Variants in GAS2L2 observed in about 807,000 individuals in gnomAD.
GAS2L2 encodes the protein growth arrest specific 2 like 2, also known as GAS2-like protein 2.
In GAS2L2, 21 loss-of-function variants were observed where a neutral mutation model predicts 35.2. That is an observed-to-expected ratio of 0.60 (90% CI 0.42 to 0.86). GAS2L2 has a LOEUF of 0.86. Ranked by LOEUF, GAS2L2 falls within the 40% of genes least tolerant of loss-of-function variation. The pLI, the probability that GAS2L2 is intolerant of heterozygous loss-of-function variation, is 0.00. For synonymous variants in GAS2L2, 490 were observed against 473.2 expected, an observed-to-expected ratio of 1.04 and a Z score of -0.46; for missense variants, 1,169 against 1,144.4, an observed-to-expected ratio of 1.02 and a Z score of -0.31.
chr17:35,745,031 G>A lies in GAS2L2; in HGVS notation c.2466C>T (p.Ser822=), dbSNP rs782552016. The change falls in exon 6 of 6, where the codon AGC becomes AGT. Residue 822 remains serine (S), a synonymous_variant. Transcript: ENST00000604641. ...CCACCCGGGATGCCTCCCCTCCCTT[G>A]CTGCCCAGCACAGCTCTCAACAGCC... ...KDRLLRAVLG[S]KGGEASRVDG... 1.2e-6 allele frequency: 2 copies of A among 1,613,942 alleles called. No individual in the cohort carries two copies. The highest frequency in any genetic ancestry group is 1.7e-6 in the Non-Finnish European group (2 of 1,180,018).
At position 35,747,977 on chromosome 17, in the gene GAS2L2, G is replaced by A. The variant is rs368983855; in HGVS notation, c.736-32C>T. Reference sequence around the variant, plus strand: ...GGGCAAGGGTGAGGTTAAGGGCGGGGTGGAGGGCAGCCCCTCTTCCTGGAC... The same window carrying A: ...GGGCAAGGGTGAGGTTAAGGGCGGGATGGAGGGCAGCCCCTCTTCCTGGAC... On this transcript the variant is annotated intron_variant, in intron 3 of 5. Coordinates refer to ENST00000604641, the MANE Select transcript of GAS2L2 (RefSeq NM_139285.4). The A allele has an allele frequency of 9.7e-6, 15 of 1,544,906 alleles. No homozygotes were observed. The Admixed American group carries it at 1.8e-4, about 19-fold the overall frequency.
rs1555599083 is a variant in GAS2L2, at chr17:35,747,079, G to C, written c.1022C>G (p.Pro341Arg). The change falls in exon 5 of 6, where the codon CCC (proline) becomes CGC (arginine). Residue 341 changes from proline to arginine, a missense_variant. Transcript: ENST00000604641. ...TGCTCCCCGTTCCCTGCGGGGTCTG[G>C]GGGAGGATGGGGTGGGGGGCCTCAG... ...RRLRPPTPSS[P>R]RPRRERGAGT... is the part of the protein sequence containing the mutation. The C allele has an allele frequency of 3.1e-6, 5 of 1,611,394 alleles. No homozygotes were observed. Among genetic ancestry groups the C allele is most frequent in the Non-Finnish European group, 4.2e-6 (5 of 1,178,730 alleles).
chr17:35,751,491 A>T lies in GAS2L2; in HGVS notation c.385+975T>A, dbSNP rs1568106020. On this transcript the variant is annotated intron_variant, in intron 1 of 5. Transcript: ENST00000604641. The stretch of plus-strand genomic sequence containing the variant: ...GAGACCAGCCTGGCCAACATGGTGA[A>T]ACCCCATTTCTACTAAAAATACAAA... 2.0e-5 allele frequency among the ~76,000 whole-genome samples: 3 copies of T among 152,174 alleles called. No homozygotes were observed. The South Asian group carries it at 6.2e-4, about 32-fold the overall frequency.
chr17:35,748,749 A>G (rs1373772581), intron 3 of GAS2L2, among the ~76,000 whole-genome samples: 1 of 152,098 alleles, frequency 6.6e-6, no homozygotes, highest in African/African-American at 2.4e-5. Context: ...GAAAAGTGTG[A>G]TCACCCTTCT....
At position 35,752,835 on chromosome 17, in the gene GAS2L2, C is replaced by T; in HGVS notation, c.16G>A (p.Gly6Arg). 1 of 1,598,298 alleles carries T rather than the reference C, an allele frequency of 6.3e-7. No homozygotes were observed. The highest frequency in any genetic ancestry group is 8.6e-7 in the Non-Finnish European group (1 of 1,168,954). Residue 6 changes from glycine (G) to arginine (R), a missense_variant, in exon 1 of 6, where the codon GGA becomes AGA. This residue lies in a region of GAS2L2 where 127 missense variants were observed against 146.1 expected (regional missense o/e 0.87). Transcript: ENST00000604641. MSQPA[G>R]GRRKPRTLGP... ...AGGGTCCTGGGCTTCCTCCTGCCTC[C>T]CGCAGGCTGGGACATGGCTGGACCC...
In GAS2L2 at chr17:35,749,124, G is replaced by C; in HGVS notation, c.721C>G (p.Leu241Val). The C allele has an allele frequency of 6.2e-7, 1 of 1,611,362 alleles. No homozygotes were observed. The highest frequency in any genetic ancestry group is 1.1e-5 in the South Asian group (1 of 91,012). ...CCTGGACTTACCCGGATGAAGATGA[G>C]GGTGTTGGAGTCACCCACACGGTAC... Reference protein sequence around the residue: ...GKYRVGDSNTLIFIRILRNHV... With the variant: ...GKYRVGDSNTVIFIRILRNHV... Residue 241 changes from leucine (L) to valine (V), a missense_variant, in exon 3 of 6, where the codon CTC becomes GTC. By Grantham distance (32) the Leu-to-Val change is conservative. Coordinates refer to ENST00000604641, the MANE Select transcript of GAS2L2 (RefSeq NM_139285.4).
In GAS2L2 at chr17:35,747,231, T is replaced by C. The variant is rs781901880; in HGVS notation, c.870A>G (p.Pro290=). Residue 290 remains proline (P), a synonymous_variant, in exon 5 of 6, where the codon CCA becomes CCG. Coordinates refer to ENST00000604641, the MANE Select transcript of GAS2L2 (RefSeq NM_139285.4). ...KPGSFLKPPA[P]PVQHEVRVQD... is the part of the protein sequence containing the mutation. The stretch of plus-strand genomic sequence containing the variant: ...GTACCCTTACTTCATGCTGCACTGG[T>C]GGGGCCGGGGGCTTCAGGAAGCTGC... 1.2e-6 allele frequency: 2 copies of C among 1,613,310 alleles called. No homozygotes were observed. The highest frequency in any genetic ancestry group is 8.5e-7 in the Non-Finnish European group (1 of 1,179,662).
rs2085662277 is a variant in GAS2L2 at position 35,745,779 on chromosome 17, C to CA, written c.1717_1718insT (p.Arg573MetfsTer31). 5 of 1,613,704 alleles carry CA rather than the reference C, an allele frequency of 3.1e-6. No homozygotes were observed. The highest frequency in any genetic ancestry group is 1.7e-5 in the Admixed American group (1 of 60,014). ...CTGTAGGCCCAGGTCCCAGGACTCT[C>CA]TGGCCTCTGCCATGACCTGGATGTC... On this transcript the variant is annotated frameshift_variant, in exon 6 of 6. Coordinates refer to ENST00000604641, the MANE Select transcript of GAS2L2 (RefSeq NM_139285.4). LOFTEE classifies it low-confidence loss of function (END_TRUNC).
rs782675737 is a variant in GAS2L2 at position 35,745,844 on chromosome 17, C to T, written c.1653G>A (p.Gly551=). 17 of 1,613,766 alleles carry T rather than the reference C, an allele frequency of 1.1e-5. No individual in the cohort carries two copies. The highest frequency in any genetic ancestry group is 1.4e-5 in the Non-Finnish European group (17 of 1,180,044). The stretch of plus-strand genomic sequence containing the variant: ...CCTGCCTCACTTCCACAGAGCAGTC[C>T]CCATGCGTGGACCCAGCCAGGTCCA... ...VTVDLAGSTH[G]DCSVEVRQED... Residue 551 remains glycine (G), a synonymous_variant, in exon 6 of 6, where the codon GGG becomes GGA. Coordinates refer to ENST00000604641, the MANE Select transcript of GAS2L2 (RefSeq NM_139285.4).
chr17:35,751,165 A>C (rs2085701043), intron 1 of GAS2L2, among the ~76,000 whole-genome samples: 1 of 151,210 alleles, frequency 6.6e-6, no homozygotes, highest in Non-Finnish European at 1.5e-5. Context: ...CTGACATGTC[A>C]CTCCCTGAGC....
intron 1 of GAS2L2, among the ~76,000 whole-genome samples, chr17:35,750,711 C>T (rs1264396642): frequency 1.3e-5 from 2 of 152,134 alleles, no homozygotes; most frequent in African/African-American, 4.8e-5. Context: ...CCACTTTCCA[C>T]CCACGCCTCT....
chr17:35,750,397 G>C, intron 1 of GAS2L2, 79 bp from the exon 2 acceptor site: 1 of 1,585,750 alleles, frequency 6.3e-7, no homozygotes, highest in Non-Finnish European at 8.6e-7. Flanking sequence ...AGGGGCTAGC[G>C]GGGAGGAAAG....
Position 35,745,027 on chromosome 17 carries a change from C to T in GAS2L2, c.2470G>A (p.Gly824Arg), listed in dbSNP as rs782582514. 3.1e-6 allele frequency: 5 copies of T among 1,613,944 alleles called. No individual in the cohort carries two copies. Among genetic ancestry groups the T allele is most frequent in the Non-Finnish European group, 4.2e-6 (5 of 1,180,050 alleles). ...CCATCCACCCGGGATGCCTCCCCTCCCTTGCTGCCCAGCACAGCTCTCAAC... is the reference window on the plus strand; with the variant it reads ...CCATCCACCCGGGATGCCTCCCCTCTCTTGCTGCCCAGCACAGCTCTCAAC... ...RLLRAVLGSK[G>R]GEASRVDGAS... Residue 824 changes from glycine (G) to arginine (R), a missense_variant, in exon 6 of 6, where the codon GGA becomes AGA. Around this residue, in one of 3 missense-constraint regions of GAS2L2, gnomAD observed 1,035 missense variants for 976.5 expected, o/e 1.06. Transcript: ENST00000604641.
At chr17:35,751,097 T>C (rs1026516580) in intron 1 of GAS2L2, among the ~76,000 whole-genome samples, 2 of 152,122 alleles carry the variant, frequency 1.3e-5, no homozygotes, top group African/African-American at 4.8e-5. Flanking sequence ...GCCTGGAGAA[T>C]GGCACAACAT....
At chr17:35,752,393 T>C in intron 1 of GAS2L2, 73 bp downstream of exon 1, 2 of 1,439,254 alleles carry the variant, frequency 1.4e-6, no homozygotes, top group Non-Finnish European at 1.9e-6. Flanking sequence ...AGAGCTAGCC[T>C]GTGCATTTGA....
In GAS2L2 at chr17:35,747,910, G is replaced by GC; in HGVS notation, c.770dup (p.Gly258ArgfsTer13). 2 of 1,613,806 alleles carry GC rather than the reference G, an allele frequency of 1.2e-6. No homozygotes were observed. The highest frequency in any genetic ancestry group is 1.7e-6 in the Non-Finnish European group (2 of 1,179,868). ...GGTAATGGCCCAGTGTGTCCCAGCC[G>GC]CCCCCTACACGTACCATCACATGGT... On this transcript the variant is annotated frameshift_variant, in exon 4 of 6. Coordinates refer to ENST00000604641, the MANE Select transcript of GAS2L2 (RefSeq NM_139285.4). LOFTEE classifies it high-confidence loss of function.
chr17:35,744,949 C>A lies in GAS2L2; in HGVS notation c.2548G>T (p.Ala850Ser), dbSNP rs145918686. The A allele has an allele frequency of 5.6e-6, 9 of 1,613,852 alleles. No homozygotes were observed. ...GGTTGGGGGCTGCTCTCCAATGGAG[C>A]GGCTGGCTCTTTCTCCTCCTTTCCT... ...EEGKEEKEPA[A>S]PLESSPQPPE... The change falls in exon 6 of 6, where the codon GCT becomes TCT. Residue 850 changes from alanine (A) to serine (S), a missense_variant. By Grantham distance (99) the Ala-to-Ser change is moderately conservative. This residue lies in a region of GAS2L2 where 1,035 missense variants were observed against 976.5 expected (regional missense o/e 1.06). Transcript: ENST00000604641.
At position 35,745,968 on chromosome 17, in the gene GAS2L2, G is replaced by GC. The variant is rs1207979726; in HGVS notation, c.1528dup (p.Ala510GlyfsTer94). ...GCTCCTTCCTGGTGTTGGGGGGCGA[G>GC]CAGGGGGCAGCCGGATGGGGATCTT... On this transcript the variant is annotated frameshift_variant, in exon 6 of 6. Coordinates refer to ENST00000604641, the MANE Select transcript of GAS2L2 (RefSeq NM_139285.4). LOFTEE classifies it low-confidence loss of function (END_TRUNC). 2.5e-6 allele frequency: 4 copies of GC among 1,603,364 alleles called. No homozygotes were observed. In the African/African-American group the frequency reaches 5.4e-5, roughly 21 times the overall value.
rs1174263659 is a variant in GAS2L2 at position 35,745,515 on chromosome 17, C to G, written c.1982G>C (p.Gly661Ala). The change falls in exon 6 of 6, where the codon GGG becomes GCG. Residue 661 changes from glycine to alanine, a missense_variant. By Grantham distance (60) the Gly-to-Ala change is moderately conservative. Around this residue, in one of 3 missense-constraint regions of GAS2L2, gnomAD observed 1,035 missense variants for 976.5 expected, o/e 1.06. Coordinates refer to ENST00000604641, the MANE Select transcript of GAS2L2 (RefSeq NM_139285.4). ...GTCCACTTTAAGGAGGGATGGGGAC[C>G]CCTGAGCCAGTTCTTGGATGGCTTT... ...YDKAIQELAQ[G>A]SPSLLKVDLE... The G allele has an allele frequency of 7.4e-6, 12 of 1,610,792 alleles. No homozygotes were observed. The highest frequency in any genetic ancestry group is 1.0e-5 in the Non-Finnish European group (12 of 1,177,918).
Sources: allele counts gnomAD v4.1 joint callset (sites outside exome capture counted in the v4.1 genomes callset), GRCh38; gene constraint gnomAD v4.1.1; regional missense constraint gnomAD v4.1.1; transcripts MANE v1.5; gene names NCBI Gene and HGNC (gene_info 2026-07-23, HGNC 2026-07-21).